Variants in BICC1 observed in about 807,000 individuals in gnomAD.
BICC1 encodes BicC family RNA binding protein 1, also known as protein bicaudal C homolog 1.
BICC1 carries 43 observed loss-of-function variants against 111.0 expected under a neutral mutation model. The ratio of observed to expected loss-of-function variants is 0.39; its 90% CI spans 0.30 to 0.50. The LOEUF (loss-of-function observed/expected upper bound fraction) is 0.50. BICC1 is among the 20% of genes least tolerant of loss of function. The probability of loss-of-function intolerance (pLI) is 0.88; values close to 1 mark genes in which losing one functional copy is unlikely to be tolerated. For missense variants in BICC1, 1,091 were observed against 1,203.2 expected (o/e 0.91, Z 1.38); for synonymous variants, 467 against 434.4 (o/e 1.07, Z -0.93).
chr10:58,677,258 C>T (rs1444078576), intron 2 of BICC1, among the ~76,000 whole-genome samples: 1 of 152,182 alleles, frequency 6.6e-6, no homozygotes, highest in African/African-American at 2.4e-5. Context: ...CTCCTCCAAG[C>T]TAAAGGAGCA....
intron 17 of BICC1, among the ~76,000 whole-genome samples, chr10:58,807,522 A>C (rs1284278324): frequency 6.6e-6 from 1 of 152,218 alleles, no homozygotes; most frequent in East Asian, 1.9e-4. Flanking sequence ...TTCACTAGCA[A>C]GGTCACGATG....
chr10:58,816,875 A>G (rs1397355691), intron 18 of BICC1, among the ~76,000 whole-genome samples: 1 of 151,504 alleles, frequency 6.6e-6, no homozygotes, highest in East Asian at 1.9e-4. Context: ...GTTTGTTGAA[A>G]CCTTTGCCCA....
chr10:58,518,980 C>G (rs1263326931), intron 1 of BICC1, among the ~76,000 whole-genome samples: 1 of 152,136 alleles, frequency 6.6e-6, no homozygotes, highest in Non-Finnish European at 1.5e-5. Context: ...ATGACTTTTA[C>G]AGGCAAGAAT....
At chr10:58,798,918 A>G (rs953659279) in intron 11 of BICC1, 138 bp from the exon 12 acceptor site, 2 of 640,068 alleles carry the variant, frequency 3.1e-6, no homozygotes, top group Non-Finnish European at 5.2e-6. Flanking sequence ...AGTAAATAGT[A>G]CCTCTGTTTA....
chr10:58,544,020 C>T (rs902480061), intron 1 of BICC1, among the ~76,000 whole-genome samples: 9 of 151,960 alleles, frequency 5.9e-5, no homozygotes, highest in Non-Finnish European at 1.3e-4. Flanking sequence ...ACCTTTGTTA[C>T]AGTTTAAAAA....
chr10:58,634,975 G>A (rs7917370), intron 2 of BICC1, among the ~76,000 whole-genome samples: 148,487 of 152,246 alleles, frequency 0.98, 72,518 homozygotes, highest in East Asian at 1. Flanking sequence ...CTGAGAAGGT[G>A]GAAAAAGAGG....
At chr10:58,537,574 C>A (rs2131873278) in intron 1 of BICC1, among the ~76,000 whole-genome samples, 1 of 151,856 alleles carries the variant, frequency 6.6e-6, no homozygotes, top group Admixed American at 6.6e-5. Flanking sequence ...AGAATGGGAA[C>A]AAGACAAGGA....
chr10:58,694,453 C>T lies in BICC1; in HGVS notation c.238-7621C>T, dbSNP rs559045345. Among the ~76,000 whole-genome samples the T allele has an allele frequency of 8.5e-5, 13 of 152,294 alleles. 1 individual carries two copies. In the South Asian group the frequency reaches 2.1e-3, roughly 24 times the overall value. On this transcript the variant is annotated intron_variant, in intron 2 of 20. Coordinates refer to ENST00000373886, the MANE Select transcript of BICC1 (RefSeq NM_001080512.3). ...GAAATTTGTATTTGATGCAACAACT[C>T]ACAGTTTGTGTATCATGGTAATGGA...
At chr10:58,646,525 A>G (rs913777967) in intron 2 of BICC1, among the ~76,000 whole-genome samples, 1 of 152,190 alleles carries the variant, frequency 6.6e-6, no homozygotes, top group African/African-American at 2.4e-5. Flanking sequence ...TTCATTACCT[A>G]AAAATGAGGG....
intron 2 of BICC1, among the ~76,000 whole-genome samples, chr10:58,634,843 A>T (rs1223394305): frequency 6.6e-6 from 1 of 152,214 alleles, no homozygotes; most frequent in Non-Finnish European, 1.5e-5. Flanking sequence ...TCTTACAATA[A>T]TCTAGAGAAA....
At chr10:58,562,708 T>G (rs562988161) in intron 1 of BICC1, among the ~76,000 whole-genome samples, 3 of 152,146 alleles carry the variant, frequency 2.0e-5, no homozygotes, top group African/African-American at 7.2e-5. Flanking sequence ...TACATTGATA[T>G]CTGTGCTCAC....
In BICC1 at chr10:58,722,763, C is replaced by T. The variant is rs12570129; in HGVS notation, c.307+20620C>T. Among the ~76,000 whole-genome samples, 64 of 152,226 alleles carry T rather than the reference C, an allele frequency of 4.2e-4. 1 individual carries two copies. The East Asian group carries it at 0.012, about 28-fold the overall frequency. On this transcript the variant is annotated intron_variant, in intron 3 of 20. Transcript: ENST00000373886. Reference sequence around the variant, plus strand: ...TAGATAGGGTAGTTTCTTGGTGCATCAGTGGGTTGAGGTGAAATAAGTTTA... The same window carrying T: ...TAGATAGGGTAGTTTCTTGGTGCATTAGTGGGTTGAGGTGAAATAAGTTTA...
chr10:58,707,579 G>C (rs1224374810), intron 3 of BICC1, among the ~76,000 whole-genome samples: 1 of 151,940 alleles, frequency 6.6e-6, no homozygotes, highest in Non-Finnish European at 1.5e-5. Context: ...ACCCAAGCTG[G>C]AGTGAAGTAG....
At chr10:58,538,727 A>G (rs1286150213) in intron 1 of BICC1, among the ~76,000 whole-genome samples, 1 of 151,888 alleles carries the variant, frequency 6.6e-6, no homozygotes, top group Non-Finnish European at 1.5e-5. Context: ...CGGAACTCAA[A>G]TCACTAAGAA....
intron 2 of BICC1, among the ~76,000 whole-genome samples, chr10:58,626,377 C>T (rs1750716099): frequency 6.6e-6 from 1 of 152,160 alleles, no homozygotes; most frequent in African/African-American, 2.4e-5. Context: ...ATAGGAATAA[C>T]TGGCTGCTTG....
intron 1 of BICC1, among the ~76,000 whole-genome samples, chr10:58,590,902 C>T (rs991517520): frequency 6.6e-6 from 1 of 152,190 alleles, no homozygotes; most frequent in South Asian, 2.1e-4. Flanking sequence ...AAATGTTTTA[C>T]TTTAAAAATG....
intron 2 of BICC1, among the ~76,000 whole-genome samples, chr10:58,699,354 G>C (rs895999921): frequency 2.6e-5 from 4 of 152,172 alleles, no homozygotes; most frequent in Non-Finnish European, 5.9e-5. Context: ...GTATAAAGCT[G>C]TCTTCCCAAC....
At chr10:58,618,829 G>C (rs995577052) in intron 1 of BICC1, among the ~76,000 whole-genome samples, 3 of 152,206 alleles carry the variant, frequency 2.0e-5, no homozygotes, top group Admixed American at 2.0e-4. Flanking sequence ...ATTTGAAGTG[G>C]TTTTCACTGG....
intron 18 of BICC1, chr10:58,814,210 A>G (rs1844012225): frequency 1.6e-6 from 1 of 628,632 alleles, no homozygotes; most frequent in Non-Finnish European, 2.9e-6. Flanking sequence ...CACTTGCCAT[A>G]CCAAAGGGCA....
Sources: gnomAD v4.1 joint callset for allele counts (sites outside exome capture counted in the v4.1 genomes callset) on GRCh38, gnomAD v4.1.1 for gene constraint, MANE v1.5 for transcripts, NCBI Gene and HGNC (gene_info 2026-07-23, HGNC 2026-07-21) for gene names.